The following MDGA2 variants were observed in gnomAD, a reference collection of about 807,000 sequenced individuals.
The protein encoded by MDGA2 is MAM domain-containing glycosylphosphatidylinositol anchor protein 2.
Under a neutral mutation model 117.8 loss-of-function variants are expected in MDGA2, and 40 were observed. The ratio of observed to expected loss-of-function variants is 0.34; its 90% confidence interval spans 0.26 to 0.44. The LOEUF (loss-of-function observed/expected upper bound fraction) is 0.44, where lower values mean the gene tolerates loss of function less well. MDGA2 is among the 20% of genes least tolerant of loss of function. The pLI is 1.00. For missense variants in MDGA2, 1,123 were observed against 1,250.6 expected, an observed-to-expected ratio of 0.90 and a Z score of 1.54; for synonymous variants, 452 against 439.0, an observed-to-expected ratio of 1.03 and a Z score of -0.37.
intron 1 of MDGA2, among the ~76,000 whole-genome samples, chr14:47,606,154 G>T (rs1280717488): frequency 6.6e-6 from 1 of 152,096 alleles, no homozygotes; most frequent in Admixed American, 6.6e-5. Flanking sequence ...AATAGTTTAT[G>T]AGATCAAGGA....
intron 2 of MDGA2, among the ~76,000 whole-genome samples, chr14:47,298,471 C>T (rs1218281104): frequency 3.9e-5 from 6 of 152,126 alleles, no homozygotes; most frequent in Non-Finnish European, 8.8e-5. Flanking sequence ...AGGAACCTCT[C>T]TCTTCCACTG....
At chr14:47,030,240 C>T (rs914530619) in intron 8 of MDGA2, among the ~76,000 whole-genome samples, 3 of 152,036 alleles carry the variant, frequency 2.0e-5, no homozygotes, top group African/African-American at 7.2e-5. Flanking sequence ...TGTTCAGGCG[C>T]AGTGACTCAC....
chr14:47,308,020 C>T (rs192828377), intron 1 of MDGA2, among the ~76,000 whole-genome samples: 29 of 152,166 alleles, frequency 1.9e-4, no homozygotes, highest in South Asian at 2.1e-4. Context: ...AGTAGACAGC[C>T]GAGCACAGTG....
intron 8 of MDGA2, among the ~76,000 whole-genome samples, chr14:47,011,055 T>C (rs1262012624): frequency 6.6e-6 from 1 of 151,970 alleles, no homozygotes; most frequent in East Asian, 1.9e-4. Flanking sequence ...GAAGTTTACT[T>C]TGGAGAATAA....
At chr14:46,878,698 T>G (rs1882326914) in intron 11 of MDGA2, among the ~76,000 whole-genome samples, 1 of 152,000 alleles carries the variant, frequency 6.6e-6, no homozygotes, top group Non-Finnish European at 1.5e-5. Flanking sequence ...GAACTAAAAA[T>G]AACAATTTAA....
At chr14:47,409,483 C>G (rs1480421667) in intron 1 of MDGA2, among the ~76,000 whole-genome samples, 1 of 152,136 alleles carries the variant, frequency 6.6e-6, no homozygotes, top group African/African-American at 2.4e-5. Context: ...CATCTGTTTA[C>G]TCTTTCTTTT....
intron 3 of MDGA2, among the ~76,000 whole-genome samples, chr14:47,210,049 C>T (rs886672172): frequency 6.6e-6 from 1 of 152,136 alleles, no homozygotes; most frequent in African/African-American, 2.4e-5. Context: ...AAAATAAACT[C>T]ATTGTCAATA....
intron 1 of MDGA2, among the ~76,000 whole-genome samples, chr14:47,421,290 G>A (rs908218312): frequency 1.1e-4 from 16 of 152,084 alleles, no homozygotes; most frequent in Non-Finnish European, 2.9e-5. Flanking sequence ...ATTTAATTTA[G>A]GTAAGTCAAT....
At chr14:46,964,919 C>T (rs1353576084) in intron 8 of MDGA2, among the ~76,000 whole-genome samples, 307 of 89,606 alleles carry the variant, frequency 3.4e-3, no homozygotes, top group Middle Eastern at 7.5e-3. Flanking sequence ...TATATATTTA[C>T]TTTTTTTTTT....
chr14:47,653,127 C>T (rs1324598838), intron 1 of MDGA2, among the ~76,000 whole-genome samples: 1 of 152,122 alleles, frequency 6.6e-6, no homozygotes, highest in Non-Finnish European at 1.5e-5. Flanking sequence ...AAATAATCCT[C>T]ACCATAAGAA....
At chr14:47,514,876 T>C (rs1594895018) in intron 1 of MDGA2, among the ~76,000 whole-genome samples, 1 of 152,056 alleles carries the variant, frequency 6.6e-6, no homozygotes, top group Non-Finnish European at 1.5e-5. Flanking sequence ...CCCACCTCTC[T>C]AGATATTCTT....
chr14:47,598,890 CAA>C (rs2138874151), intron 1 of MDGA2, among the ~76,000 whole-genome samples: 1 of 152,234 alleles, frequency 6.6e-6, no homozygotes, highest in Admixed American at 6.5e-5. Context: ...AAATAAGGTT[CAA>C]AGACTTTCTC....
At chr14:46,912,563 T>C (rs1004020519) in intron 10 of MDGA2, among the ~76,000 whole-genome samples, 1 of 152,230 alleles carries the variant, frequency 6.6e-6, no homozygotes, top group Admixed American at 6.5e-5. Context: ...CTTGTAAACA[T>C]TGATTAAAAA....
chr14:47,041,093 G>A (rs1024768541), intron 7 of MDGA2, among the ~76,000 whole-genome samples: 13 of 152,216 alleles, frequency 8.5e-5, no homozygotes, highest in Non-Finnish European at 1.9e-4. Flanking sequence ...TCTACAATTA[G>A]TAGCTCCTAC....
At position 47,249,610 on chromosome 14, in the gene MDGA2, A is replaced by G. The variant is rs571771917; in HGVS notation, c.421-31415T>C. Among the ~76,000 whole-genome samples, 26 of 152,280 alleles carry G rather than the reference A, an allele frequency of 1.7e-4. No homozygotes were observed. The South Asian group carries it at 4.8e-3, about 28-fold the overall frequency. ...CAGAGTGCTGGGATTACAGGCATGA[A>G]CCACCATGCCCAGACTCATGTTTGA... On this transcript the variant is annotated intron_variant, in intron 2 of 16. Transcript: ENST00000399232.
intron 3 of MDGA2, among the ~76,000 whole-genome samples, chr14:47,151,746 A>C (rs1883171834): frequency 6.6e-6 from 1 of 151,822 alleles, no homozygotes; most frequent in African/African-American, 2.4e-5. Flanking sequence ...AGTAATGTAA[A>C]TAATTATCTT....
In MDGA2 at chr14:47,612,209, C is replaced by CAAATAGAT. The variant is rs139076469; in HGVS notation, c.280+62307_280+62308insATCTATTT. 7.3e-3 allele frequency among the ~76,000 whole-genome samples: 1,061 copies of CAAATAGAT among 145,810 alleles called. 11 individuals are homozygous for CAAATAGAT. Among genetic ancestry groups the CAAATAGAT allele is most frequent in the East Asian group, 0.03 (143 of 4,824 alleles). ...CAAATGTGATAGATAGATAGATAGA[C>CAAATAGAT]AGATAGATAGATAGATAGATAGATA... On this transcript the variant is annotated intron_variant, in intron 1 of 16. Transcript: ENST00000399232.
chr14:46,885,456 G>C (rs1177157199), intron 10 of MDGA2, among the ~76,000 whole-genome samples: 2 of 152,096 alleles, frequency 1.3e-5, no homozygotes, highest in Admixed American at 6.6e-5. Flanking sequence ...AAATAAGTAA[G>C]TAACTAAAGA....
At chr14:47,492,163 C>A (rs768194822) in intron 1 of MDGA2, among the ~76,000 whole-genome samples, 15 of 152,220 alleles carry the variant, frequency 9.9e-5, no homozygotes, top group Admixed American at 5.2e-4. Flanking sequence ...TGTGCATTTG[C>A]TTACAACTTT....
Sources: allele counts gnomAD v4.1 joint callset (sites outside exome capture counted in the v4.1 genomes callset), GRCh38; gene constraint gnomAD v4.1.1; transcripts MANE v1.5; gene names NCBI Gene and HGNC (gene_info 2026-07-23, HGNC 2026-07-21).